KDM5C: variants seen among roughly 807,000 people sequenced by gnomAD.
The protein encoded by KDM5C is lysine demethylase 5C, also known as lysine-specific demethylase 5C.
In KDM5C, 16 loss-of-function variants were observed where a neutral mutation model predicts 110.6. That is an observed-to-expected ratio of 0.14 (90% confidence interval 0.10 to 0.22). The LOEUF is 0.22. Ranked by LOEUF, KDM5C falls within the 10% of genes least tolerant of loss-of-function variation. The probability of loss-of-function intolerance (pLI) is 1.00; values close to 1 mark genes in which losing one functional copy is unlikely to be tolerated. For synonymous variants in KDM5C, 511 were observed against 520.4 expected (o/e 0.98, Z 0.24); for missense variants, 681 against 1,300.9 (o/e 0.52, Z 7.33).
intron 25 of KDM5C, among the ~76,000 whole-genome samples, chrX:53,183,053 A>T (rs1569250216): frequency 9.0e-6 from 1 of 110,537 alleles, no homozygotes. Context: ...TTTGCATGTG[A>T]AAATCCAGTT....
intron 25 of KDM5C, among the ~76,000 whole-genome samples, chrX:53,186,273 T>A (rs782098317): frequency 1.3e-3 from 142 of 111,387 alleles, no homozygotes; most frequent in African/African-American, 4.5e-3. Flanking sequence ...AGTTAAAGAT[T>A]CAAGAAATGG....
chrX:53,216,402 A>T (rs1248552716), intron 5 of KDM5C, among the ~76,000 whole-genome samples: 4 of 112,362 alleles, frequency 3.6e-5, no homozygotes, highest in African/African-American at 9.7e-5. Flanking sequence ...AAGGAATAAA[A>T]GACAGGATAT....
At chrX:53,199,413 T>C (rs1378169262) in intron 14 of KDM5C, among the ~76,000 whole-genome samples, 2 of 111,140 alleles carry the variant, frequency 1.8e-5, no homozygotes, top group East Asian at 2.8e-4. Context: ...TCAGGTAAGA[T>C]CCAGATCAGC....
rs900970007 is a variant in KDM5C at position 53,185,465 on chromosome X, T to A, written c.4308+7972A>T. On this transcript the variant is annotated intron_variant, in intron 25 of 25. Coordinates refer to the KDM5C transcript ENST00000685641. ...ACTACAGAAGCAAGAAGTAAACTTG[T>A]CTTAAATCTCAGAAAATTTTTTTCT... Among the ~76,000 whole-genome samples, 4 of 112,463 alleles carry A rather than the reference T, an allele frequency of 3.6e-5. No individual in the cohort carries two copies. The Admixed American group carries it at 3.8e-4, about 11-fold the overall frequency.
downstream of KDM5C, among the ~76,000 whole-genome samples, chrX:53,189,046 T>C (rs1446684832): frequency 3.6e-5 from 4 of 112,451 alleles, no homozygotes; most frequent in African/African-American, 1.3e-4. Context: ...TGTGCCCAGA[T>C]TCCTAACCAC....
intron 4 of KDM5C, 131 bp from the exon 5 acceptor site, chrX:53,217,408 T>A: frequency 1.3e-6 from 1 of 768,513 alleles, no homozygotes; most frequent in Non-Finnish European, 1.9e-6. Context: ...CAGCCCCTGT[T>A]CCACTGGTCT....
At position 53,194,938 on chromosome X, in the gene KDM5C, C is replaced by G. The variant is rs782616452; in HGVS notation, c.3431G>C (p.Gly1144Ala). ...TGTGTCGAAGCTCCTTACCACAGAG[C>G]CTGGGTCCCTGAGGTCCTGCGCAGA... ...GLSAQDLRDP[G>A]SVIVAFKEGE... Residue 1144 changes from glycine to alanine, a missense_variant, in exon 22 of 26, where the codon GGC (glycine) becomes GCC (alanine). By Grantham distance (60) the Gly-to-Ala change is moderately conservative (BLOSUM62 0). This residue lies in a region of KDM5C where 66 missense variants were observed against 162.9 expected (regional missense o/e 0.41). Coordinates refer to ENST00000375401, the MANE Select transcript of KDM5C (RefSeq NM_004187.5). 8.3e-7 allele frequency: 1 copy of G among 1,211,205 alleles called. No individual in the cohort carries two copies. Among genetic ancestry groups the G allele is most frequent in the Non-Finnish European group, 1.1e-6 (1 of 895,203 alleles).
At chrX:53,224,436 TAA>T (rs2073981139) in intron 1 of KDM5C, among the ~76,000 whole-genome samples, 1 of 111,894 alleles carries the variant, frequency 8.9e-6, no homozygotes, top group South Asian at 3.7e-4. Context: ...TGGCCCGGGC[TAA>T]GAGATGTGCG....
At chrX:53,207,178 CAAAAAA>C (rs56948247) in intron 12 of KDM5C, among the ~76,000 whole-genome samples, 2 of 40,301 alleles carry the variant, frequency 5.0e-5, no homozygotes, top group Non-Finnish European at 8.4e-5. Context: ...ACTCCTTCTC[CAAAAAA>C]AAAAAAAAAA....
downstream of KDM5C, among the ~76,000 whole-genome samples, chrX:53,187,114 C>T (rs782793999): frequency 5.4e-5 from 6 of 111,696 alleles, no homozygotes; most frequent in Admixed American, 5.7e-4. Context: ...TGGTGGCAGG[C>T]ATGGAGGTTA....
chrX:53,202,177 T>C (rs1297806819), intron 12 of KDM5C: 3 of 422,714 alleles, frequency 7.1e-6, no homozygotes, highest in Non-Finnish European at 1.2e-5. Context: ...GATAGGAAGA[T>C]TTGAGATTAA....
rs1934531562 is a variant in KDM5C, at chrX:53,192,991, C to T, written c.4659G>A (p.Gln1553=). 1 of 1,177,099 alleles carries T rather than the reference C, an allele frequency of 8.5e-7. No homozygotes were observed. ...LTPRLHLPCP[Q]QPPQQQL is the part of the protein sequence containing the mutation. ...GTCACAACTGTTGCTGAGGCGGCTG[C>T]TGTGGGCAGGGCAGATGCAGCCGGG... The change falls in exon 26 of 26, where the codon CAG becomes CAA. Residue 1553 remains glutamine, a synonymous_variant. Transcript: ENST00000375401.
At chrX:53,222,384 G>T (rs2073922766) in intron 1 of KDM5C, among the ~76,000 whole-genome samples, 1 of 108,344 alleles carries the variant, frequency 9.2e-6, no homozygotes, top group African/African-American at 3.4e-5. Flanking sequence ...AAACAGGCAG[G>T]CCAAAATGGT....
At chrX:53,218,630 G>A (rs1236586552) in intron 2 of KDM5C, 6 of 469,102 alleles carry the variant, frequency 1.3e-5, no homozygotes, top group Admixed American at 2.8e-5. Context: ...AGCTGGAATG[G>A]AGTGGTGCAA....
chrX:53,213,014 G>C (rs1383958721), intron 8 of KDM5C, among the ~76,000 whole-genome samples: 2 of 111,372 alleles, frequency 1.8e-5, no homozygotes, highest in African/African-American at 6.5e-5. Context: ...AAAAGAAAAA[G>C]AAAAAAGAAA....
chrX:53,177,381 TA>T (rs1289546081), intron 25 of KDM5C, among the ~76,000 whole-genome samples: 55 of 112,004 alleles, frequency 4.9e-4, no homozygotes, highest in Non-Finnish European at 1.0e-3. Flanking sequence ...CCCTGCATTT[TA>T]AAAAAATGTT....
chrX:53,180,444 C>T (rs1556825477), intron 25 of KDM5C, among the ~76,000 whole-genome samples: 1 of 111,349 alleles, frequency 9.0e-6, no homozygotes, highest in Admixed American at 9.6e-5. Flanking sequence ...AATTATGTGC[C>T]AGTGTATTGA....
intron 19 of KDM5C, 129 bp downstream of exon 19, chrX:53,196,557 G>C: frequency 1.8e-6 from 1 of 557,033 alleles, no homozygotes; most frequent in Non-Finnish European, 3.0e-6. Context: ...GACAACAAAA[G>C]AGGGGAGAGT....
At chrX:53,195,841 C>A in intron 20 of KDM5C, 75 bp downstream of exon 20, 1 of 1,103,007 alleles carries the variant, frequency 9.1e-7, no homozygotes, top group East Asian at 3.2e-5. Flanking sequence ...CCCAGCAACC[C>A]AGCACATCCC....
Sources: allele counts gnomAD v4.1 joint callset (sites outside exome capture counted in the v4.1 genomes callset), GRCh38; gene constraint gnomAD v4.1.1; regional missense constraint gnomAD v4.1.1; transcripts MANE v1.5; gene names NCBI Gene and HGNC (gene_info 2026-07-23, HGNC 2026-07-21).